Variants in L3MBTL4 observed in about 807,000 individuals in gnomAD.
The protein encoded by L3MBTL4 is L3MBTL histone methyl-lysine binding protein 4, also known as lethal(3)malignant brain tumor-like protein 4.
A neutral mutation model predicts 84.5 loss-of-function variants in L3MBTL4; 70 were observed. The ratio of observed to expected loss-of-function variants is 0.83; its 90% CI spans 0.68 to 1.01. The LOEUF (loss-of-function observed/expected upper bound fraction) is 1.01, where lower values mean the gene tolerates loss of function less well. L3MBTL4 is among the 50% of genes least tolerant of loss of function. The pLI is 0.00. For missense variants in L3MBTL4, 715 were observed against 754.8 expected (o/e 0.95, Z 0.62); for synonymous variants, 274 against 259.8 (o/e 1.05, Z -0.52).
intron 4 of L3MBTL4, among the ~76,000 whole-genome samples, chr18:6,280,709 A>G (rs2049284579): frequency 6.6e-6 from 1 of 152,168 alleles, no homozygotes; most frequent in Admixed American, 6.5e-5. Flanking sequence ...GTCTTGGATT[A>G]TCCCAGTGGC....
chr18:6,312,975 G>A (rs771483824), intron 1 of L3MBTL4, among the ~76,000 whole-genome samples: 22 of 152,064 alleles, frequency 1.4e-4, no homozygotes, highest in Non-Finnish European at 2.4e-4. Context: ...ATTTGAACTC[G>A]TCCTTTCTGA....
Position 5,960,089 on chromosome 18 carries a change from C to G in L3MBTL4, c.1677+5G>C. On this transcript the variant is annotated splice_donor_5th_base_variant and intron_variant, in intron 18 of 18. Transcript: ENST00000317931. Reference sequence around the variant, plus strand: ...ATATATATATATAATTTTTGCATCTCTTACCTCTTTCTTAAAGCACTTGGC... The same window carrying G: ...ATATATATATATAATTTTTGCATCTGTTACCTCTTTCTTAAAGCACTTGGC... The G allele has an allele frequency of 7.2e-7, 1 of 1,384,358 alleles. No individual in the cohort carries two copies. Among genetic ancestry groups the G allele is most frequent in the South Asian group, 1.4e-5 (1 of 69,610 alleles). The allele number at this position is 1,384,358 out of a possible 1,614,324, so 85.8% of individuals were successfully genotyped here.
intron 1 of L3MBTL4, among the ~76,000 whole-genome samples, chr18:6,331,679 A>G (rs2052040341): frequency 1.3e-5 from 2 of 152,186 alleles, no homozygotes; most frequent in Admixed American, 6.5e-5. Flanking sequence ...ACTTGGTAAG[A>G]TACGAACAAT....
chr18:5,963,603 A>C (rs536305056), intron 17 of L3MBTL4, among the ~76,000 whole-genome samples: 2 of 152,380 alleles, frequency 1.3e-5, no homozygotes, highest in South Asian at 4.1e-4. Context: ...TTCCAAAGTA[A>C]GGAAAAAGTT....
At chr18:6,364,645 T>C (rs370405342) in intron 1 of L3MBTL4, among the ~76,000 whole-genome samples, 2 of 152,190 alleles carry the variant, frequency 1.3e-5, no homozygotes, top group Non-Finnish European at 2.9e-5. Flanking sequence ...GATTTCATCA[T>C]AAATTTATAC....
At chr18:6,222,409 C>A (rs141630795) in intron 10 of L3MBTL4, among the ~76,000 whole-genome samples, 135 of 152,244 alleles carry the variant, frequency 8.9e-4, no homozygotes, top group African/African-American at 3.1e-3. Context: ...GAAATAAACT[C>A]TCTTTTGTGT....
At chr18:5,990,421 T>C (rs182412873) in intron 16 of L3MBTL4, among the ~76,000 whole-genome samples, 2 of 152,302 alleles carry the variant, frequency 1.3e-5, no homozygotes, top group African/African-American at 4.8e-5. Flanking sequence ...TTAATTCACA[T>C]GGGGGACTTC....
At chr18:6,261,655 T>G (rs2048405262) in intron 5 of L3MBTL4, among the ~76,000 whole-genome samples, 1 of 152,188 alleles carries the variant, frequency 6.6e-6, no homozygotes, top group African/African-American at 2.4e-5. Flanking sequence ...TCATGAGGAT[T>G]TATTTCAGGA....
chr18:6,392,762 G>A (rs1416712005), intron 1 of L3MBTL4, among the ~76,000 whole-genome samples: 1 of 152,128 alleles, frequency 6.6e-6, no homozygotes, highest in African/African-American at 2.4e-5. Context: ...AGAAGCAAAT[G>A]CAACAAGAAC....
intron 4 of L3MBTL4, among the ~76,000 whole-genome samples, chr18:6,295,344 CTCTATATA>C (rs1292174919): frequency 9.0e-4 from 95 of 105,352 alleles, no homozygotes; most frequent in African/African-American, 2.5e-3. Context: ...CTCTCTCTCT[CTCTATATA>C]TATATATATA....
chr18:6,386,016 A>T (rs2054801523), intron 1 of L3MBTL4, among the ~76,000 whole-genome samples: 1 of 152,236 alleles, frequency 6.6e-6, no homozygotes, highest in Non-Finnish European at 1.5e-5. Context: ...AGGGAAGACT[A>T]GAATTTCCTA....
chr18:5,966,945 A>G (rs1259577517), intron 17 of L3MBTL4, among the ~76,000 whole-genome samples: 1 of 152,090 alleles, frequency 6.6e-6, no homozygotes, highest in Non-Finnish European at 1.5e-5. Flanking sequence ...TGAAATGTCT[A>G]TTGAATCTGA....
intron 13 of L3MBTL4, among the ~76,000 whole-genome samples, chr18:6,147,730 A>G (rs940171874): frequency 5.3e-5 from 8 of 152,208 alleles, no homozygotes; most frequent in African/African-American, 1.9e-4. Flanking sequence ...GCAGACTCCA[A>G]AAGTCTCTTT....
chr18:6,221,937 A>G (rs2046573110), intron 10 of L3MBTL4, among the ~76,000 whole-genome samples: 1 of 152,196 alleles, frequency 6.6e-6, no homozygotes, highest in African/African-American at 2.4e-5. Context: ...CTTCATGGAA[A>G]CAATCATAGG....
At chr18:6,184,516 A>G (rs912431354) in intron 12 of L3MBTL4, among the ~76,000 whole-genome samples, 17 of 152,216 alleles carry the variant, frequency 1.1e-4, no homozygotes, top group Admixed American at 9.8e-4. Context: ...CATTTCTTTT[A>G]CAGACTTATC....
chr18:6,132,583 T>A (rs1406836107), intron 14 of L3MBTL4, among the ~76,000 whole-genome samples: 1 of 152,222 alleles, frequency 6.6e-6, no homozygotes, highest in South Asian at 2.1e-4. Context: ...TCTCTAAGCT[T>A]CATATAATGC....
chr18:6,189,904 A>C (rs1176837804), intron 12 of L3MBTL4, among the ~76,000 whole-genome samples: 1 of 152,204 alleles, frequency 6.6e-6, no homozygotes, highest in Non-Finnish European at 1.5e-5. Flanking sequence ...AAATACTCTA[A>C]CAGATATGCA....
At chr18:6,080,788 C>T in intron 16 of L3MBTL4, 93 bp downstream of exon 16, 1 of 905,160 alleles carries the variant, frequency 1.1e-6, no homozygotes. Flanking sequence ...CTACCATTCC[C>T]TGTTGGAATG....
intron 2 of L3MBTL4, 116 bp downstream of exon 2, chr18:6,311,882 G>A (rs1216872631): frequency 8.7e-6 from 3 of 344,728 alleles, no homozygotes; most frequent in African/African-American, 2.1e-5. Context: ...TATATCATGG[G>A]GAAAATAGAT....
Sources: gnomAD v4.1 joint callset for allele counts (sites outside exome capture counted in the v4.1 genomes callset) on GRCh38, gnomAD v4.1.1 for gene constraint, MANE v1.5 for transcripts, NCBI Gene and HGNC (gene_info 2026-07-23, HGNC 2026-07-21) for gene names.